DNHD1: variants seen among roughly 807,000 people sequenced by gnomAD.
DNHD1 encodes dynein heavy chain domain 1, also known as dynein heavy chain domain-containing protein 1.
DNHD1 carries 383 observed loss-of-function variants against 458.1 expected under a neutral mutation model. The observed-to-expected ratio is 0.84, with a 90% CI of 0.77 to 0.91. The LOEUF (loss-of-function observed/expected upper bound fraction) is 0.91, where lower values mean the gene tolerates loss of function less well. DNHD1 is among the 40% of genes least tolerant of loss of function. The pLI is 0.00. For missense variants in DNHD1, 5,336 were observed against 5,866.1 expected (o/e 0.91, Z 2.95); for synonymous variants, 2,203 against 2,376.9 (o/e 0.93, Z 2.13).
chr11:6,527,327 G>A (rs1186046061), intron 10 of DNHD1, among the ~76,000 whole-genome samples: 1 of 152,206 alleles, frequency 6.6e-6, no homozygotes, highest in Admixed American at 6.5e-5. Flanking sequence ...TTGGGCTGGG[G>A]GAGGAGGGCA....
chr11:6,563,099 C>G lies in DNHD1; in HGVS notation c.9637C>G (p.Leu3213Val). The G allele has an allele frequency of 6.4e-7, 1 of 1,551,694 alleles. No homozygotes were observed. Among genetic ancestry groups the G allele is most frequent in the Non-Finnish European group, 8.7e-7 (1 of 1,146,992 alleles). ...GAACCTGGCCAGGCAACGGGATGCC[C>G]TGCAAGCTCAGCGAGAGGCTTTCCT... Reference protein sequence around the residue: ...IENLARQRDALQAQREAFLEQ... With the variant: ...IENLARQRDAVQAQREAFLEQ... The change falls in exon 29 of 43, where the codon CTG becomes GTG. Residue 3213 changes from leucine to valine, a missense_variant. Transcript: ENST00000254579.
chr11:6,565,243 G>C (rs1853673014), intron 32 of DNHD1, among the ~76,000 whole-genome samples: 1 of 152,198 alleles, frequency 6.6e-6, no homozygotes, highest in Non-Finnish European at 1.5e-5. Flanking sequence ...GGTCCTTTCA[G>C]ATGTAATTAA....
chr11:6,563,452 G>A lies in DNHD1; in HGVS notation c.9740G>A (p.Arg3247Gln), dbSNP rs372291400. The A allele has an allele frequency of 1.1e-4, 172 of 1,551,610 alleles. 1 individual carries two copies. The highest frequency in any genetic ancestry group is 1.7e-4 in the South Asian group (14 of 84,040). Residue 3247 changes from arginine to glutamine, a missense_variant, in exon 30 of 43, where the codon CGA becomes CAA. Arg to Gln is a conservative substitution (Grantham distance 43). Transcript: ENST00000254579. ...VADFEEIRSY[R>Q]APPESVVRVT... Reference sequence around the variant, plus strand: ...GACTTTGAGGAGATACGGAGCTATCGAGCACCACCAGAATCTGTGGTCCGG... The same window carrying A: ...GACTTTGAGGAGATACGGAGCTATCAAGCACCACCAGAATCTGTGGTCCGG...
At position 6,528,644 on chromosome 11, in the gene DNHD1, C is replaced by T. The variant is rs1364797336; in HGVS notation, c.1960C>T (p.His654Tyr). ...NVGLVWPWKSHPIAGILEVRG... is the reference protein window; with the variant it reads ...NVGLVWPWKSYPIAGILEVRG... ...GGGATTGGTGTGGCCCTGGAAGTCT[C>T]ACCCAATTGCTGGTATCTTGGAGGT... The change falls in exon 11 of 43, where the codon CAC becomes TAC. Residue 654 changes from histidine (H) to tyrosine (Y), a missense_variant. Coordinates refer to ENST00000254579, the MANE Select transcript of DNHD1 (RefSeq NM_144666.3). The T allele has an allele frequency of 1.9e-6, 3 of 1,551,752 alleles. No individual in the cohort carries two copies. The East Asian group carries it at 7.3e-5, about 38-fold the overall frequency.
intron 10 of DNHD1, among the ~76,000 whole-genome samples, chr11:6,525,250 C>T (rs1439487860): frequency 1.3e-5 from 2 of 152,170 alleles, no homozygotes; most frequent in Admixed American, 1.3e-4. Flanking sequence ...CCATCAGACT[C>T]ACTTTTACAT....
intron 10 of DNHD1, among the ~76,000 whole-genome samples, chr11:6,521,891 A>G (rs1204447030): frequency 6.6e-6 from 1 of 151,956 alleles, no homozygotes; most frequent in Non-Finnish European, 1.5e-5. Flanking sequence ...TAATTTTTAA[A>G]TTTTTTGTAG....
intron 4 of DNHD1, 71 bp downstream of exon 4, chr11:6,502,997 C>A: frequency 6.4e-7 from 1 of 1,559,266 alleles, no homozygotes; most frequent in South Asian, 1.2e-5. Flanking sequence ...TCCCCCTCCT[C>A]TTTCTCCACG....
chr11:6,567,210 G>A lies in DNHD1; in HGVS notation c.11701G>A (p.Glu3901Lys). Residue 3901 changes from glutamate (E) to lysine (K), a missense_variant, in exon 36 of 43, where the codon GAG (glutamate) becomes AAG (lysine). Physicochemically the swap from Glu to Lys is moderately conservative, Grantham distance 56 (BLOSUM62 1). This residue lies in a region of DNHD1 where 695 missense variants were observed against 804.2 expected (regional missense o/e 0.86). Coordinates refer to ENST00000254579, the MANE Select transcript of DNHD1 (RefSeq NM_144666.3). Reference sequence around the variant, plus strand: ...GAAGCCACGTGAGATTAATCACGGGGAGGACCTGGCCAGCCATCTACTGCA... The same window carrying A: ...GAAGCCACGTGAGATTAATCACGGGAAGGACCTGGCCAGCCATCTACTGCA... ...SMKPREINHG[E>K]DLASHLLQLR... 4 of 1,614,012 alleles carry A rather than the reference G, an allele frequency of 2.5e-6. No homozygotes were observed. The highest frequency in any genetic ancestry group is 3.4e-6 in the Non-Finnish European group (4 of 1,179,902).
At chr11:6,549,592 T>C (rs926648825) in intron 24 of DNHD1, among the ~76,000 whole-genome samples, 1 of 152,238 alleles carries the variant, frequency 6.6e-6, no homozygotes, top group Non-Finnish European at 1.5e-5. Flanking sequence ...ATTCTACTTA[T>C]TATTTCTAAA....
chr11:6,498,597 G>A lies in DNHD1; in HGVS notation c.382G>A (p.Gly128Ser), dbSNP rs762541303. The change falls in exon 3 of 43, where the codon GGT becomes AGT. Residue 128 changes from glycine (G) to serine (S), a missense_variant. Gly to Ser is a moderately conservative substitution (Grantham distance 56). This residue lies in a region of DNHD1 where 3,932 missense variants were observed against 4,365.6 expected (regional missense o/e 0.90). Transcript: ENST00000254579. ...AACCCACCTCCATCTGGACCTGCTA[G>A]GTGCCATTGTCCAGGCCTTTCCTCC... ...VQTHLHLDLL[G>S]AIVQAFPPDS... 1.2e-4 allele frequency: 190 copies of A among 1,614,112 alleles called. No individual in the cohort carries two copies. Among genetic ancestry groups the A allele is most frequent in the Non-Finnish European group, 1.6e-4 (189 of 1,180,054 alleles).
chr11:6,544,501 A>G (rs1853164447), intron 19 of DNHD1, 73 bp from the exon 20 acceptor site: 1 of 1,259,908 alleles, frequency 7.9e-7, no homozygotes, highest in Non-Finnish European at 1.1e-6. Context: ...AGAGGTCAGG[A>G]GCAGGGTGGA....
At position 6,511,293 on chromosome 11, in the gene DNHD1, C is replaced by T; in HGVS notation, c.1256C>T (p.Ser419Phe). 1 of 1,614,242 alleles carries T rather than the reference C, an allele frequency of 6.2e-7. No individual in the cohort carries two copies. Among genetic ancestry groups the T allele is most frequent in the South Asian group, 1.1e-5 (1 of 91,084 alleles). ...TCTAGGCTTCTGCAGGAGCTACACT[C>T]TGTGTCCTGGCTACCCCAGGAACTG... ...HISRLLQELHSVSWLPQELDR... is the reference protein window; with the variant it reads ...HISRLLQELHFVSWLPQELDR... Residue 419 changes from serine (S) to phenylalanine (F), a missense_variant, in exon 7 of 43, where the codon TCT (serine) becomes TTT (phenylalanine). By Grantham distance (155) the Ser-to-Phe change is radical. Transcript: ENST00000254579.
chr11:6,566,351 C>G lies in DNHD1; in HGVS notation c.11164C>G (p.Leu3722Val). 1 of 1,556,668 alleles carries G rather than the reference C, an allele frequency of 6.4e-7. No homozygotes were observed. ...ACCCCAGGTGCAGCCTGGCTTCTGT[C>G]TGTATCTCAGCACCACCCTCTCCCT... is the stretch of plus-strand genomic sequence containing the variant. ...SPPQVQPGFC[L>V]YLSTTLSLCA... Residue 3722 changes from leucine to valine, a missense_variant, in exon 34 of 43, where the codon CTG becomes GTG. This residue lies in a region of DNHD1 where 695 missense variants were observed against 804.2 expected (regional missense o/e 0.86). Transcript: ENST00000254579.
intron 12 of DNHD1, 145 bp downstream of exon 12, chr11:6,529,266 A>G (rs1852778158): frequency 4.5e-6 from 4 of 896,768 alleles, no homozygotes; most frequent in Non-Finnish European, 3.3e-6. Context: ...CCGAGGTCCC[A>G]GGCCCTTTCC....
intron 36 of DNHD1, 50 bp from the exon 37 acceptor site, chr11:6,568,006 C>A: frequency 6.7e-7 from 1 of 1,497,970 alleles, no homozygotes. Flanking sequence ...TCCCTCGGGT[C>A]ACCCTAGGAT....
rs1853189226 is a variant in DNHD1 at position 6,545,409 on chromosome 11, G to C, written c.4470G>C (p.Leu1490Phe). 1 of 1,551,688 alleles carries C rather than the reference G, an allele frequency of 6.4e-7. No homozygotes were observed. Among genetic ancestry groups the C allele is most frequent in the African/African-American group, 1.4e-5 (1 of 73,054 alleles). ...ALKQLPKQNKLYLQLYVQHWI... is the reference protein window; with the variant it reads ...ALKQLPKQNKFYLQLYVQHWI... ...AGCAACTGCCCAAGCAAAACAAGTT[G>C]TACCTGCAACTGTATGTCCAGCACT... Residue 1490 changes from leucine to phenylalanine, a missense_variant, in exon 21 of 43, where the codon TTG becomes TTC. By Grantham distance (22) the Leu-to-Phe change is conservative. This residue lies in a region of DNHD1 where 3,932 missense variants were observed against 4,365.6 expected (regional missense o/e 0.90). Transcript: ENST00000254579. This position sits in a 1 kb window ranked among gnomAD's most constrained non-coding sequence, Gnocchi z 4.9.
At position 6,544,928 on chromosome 11, in the gene DNHD1, T is replaced by C. The variant is rs1853174284; in HGVS notation, c.3989T>C (p.Leu1330Pro). 2 of 1,551,704 alleles carry C rather than the reference T, an allele frequency of 1.3e-6. No individual in the cohort carries two copies. The highest frequency in any genetic ancestry group is 1.7e-6 in the Non-Finnish European group (2 of 1,146,992). Residue 1330 changes from leucine (L) to proline (P), a missense_variant, in exon 21 of 43, where the codon CTG becomes CCG. Transcript: ENST00000254579. The part of the protein sequence containing the change: ...PYFQGQQLQQ[L>P]LQAGSVELEG... ...TTCCAAGGCCAGCAGCTGCAACAAC[T>C]GCTGCAAGCAGGATCGGTGGAGCTG...
intron 10 of DNHD1, among the ~76,000 whole-genome samples, chr11:6,527,880 T>C (rs1042915513): frequency 6.6e-6 from 1 of 152,216 alleles, no homozygotes; most frequent in Non-Finnish European, 1.5e-5. Context: ...AATGAGTGGC[T>C]AGGTTCAAGA....
intron 26 of DNHD1, 66 bp from the exon 27 acceptor site, chr11:6,558,836 G>A: frequency 6.5e-7 from 1 of 1,530,222 alleles, no homozygotes; most frequent in Non-Finnish European, 8.9e-7. Flanking sequence ...AGCTAGGAGA[G>A]GATCCCTTTC....
Sources: allele counts gnomAD v4.1 joint callset (sites outside exome capture counted in the v4.1 genomes callset), GRCh38; gene constraint gnomAD v4.1.1; regional missense constraint gnomAD v4.1.1; non-coding constraint Gnocchi (gnomAD v3.1); transcripts MANE v1.5; gene names NCBI Gene and HGNC (gene_info 2026-07-23, HGNC 2026-07-21).